The following CUL7 variants were observed in gnomAD, a reference collection of about 807,000 sequenced individuals.
CUL7 encodes cullin 7.
In CUL7, 96 loss-of-function variants were observed where a neutral mutation model predicts 177.7. The observed-to-expected ratio is 0.54, with a 90% CI of 0.46 to 0.64. The LOEUF (loss-of-function observed/expected upper bound fraction) is 0.64. CUL7 is among the 30% of genes least tolerant of loss of function. CUL7 has a pLI of 0.00. For missense variants in CUL7, 1,893 were observed against 2,187.9 expected, an observed-to-expected ratio of 0.87 and a Z score of 2.69; for synonymous variants, 824 against 890.2, an observed-to-expected ratio of 0.93 and a Z score of 1.32.
In CUL7 at chr6:43,051,056, C is replaced by A; in HGVS notation, c.1145G>T (p.Arg382Leu). ...CTCATAATCATCCAGCATCCGCACTCGCATCCCCGGCTGCAGTGTGTCCCG... is the reference window on the plus strand; with the variant it reads ...CTCATAATCATCCAGCATCCGCACTAGCATCCCCGGCTGCAGTGTGTCCCG... ...YVRDTLQPGMRVRMLDDYEEI... is the reference protein window; with the variant it reads ...YVRDTLQPGMLVRMLDDYEEI... The change falls in exon 4 of 26, where the codon CGA becomes CTA. Residue 382 changes from arginine to leucine, a missense_variant. Around this residue, in one of 5 missense-constraint regions of CUL7, gnomAD observed 653 missense variants for 725.2 expected, o/e 0.90. Coordinates refer to ENST00000265348, the MANE Select transcript of CUL7 (RefSeq NM_014780.5). This position sits in a 1 kb window ranked among gnomAD's most constrained non-coding sequence, Gnocchi z 5.0. The A allele has an allele frequency of 6.2e-7, 1 of 1,614,220 alleles. No individual in the cohort carries two copies. Among genetic ancestry groups the A allele is most frequent in the Non-Finnish European group, 8.5e-7 (1 of 1,180,044 alleles).
intron 6 of CUL7, 104 bp downstream of exon 6, chr6:43,049,859 C>T (rs1764253104): frequency 1.4e-6 from 2 of 1,382,174 alleles, no homozygotes; most frequent in Non-Finnish European, 2.0e-6. Flanking sequence ...GCCCCTTCCA[C>T]TCTCTGACCT....
chr6:43,040,657 C>T lies in CUL7; in HGVS notation c.3896G>A (p.Arg1299His), dbSNP rs777069622. Residue 1299 changes from arginine (R) to histidine (H), a missense_variant, in exon 21 of 26, where the codon CGC becomes CAC. This residue lies in a region of CUL7 where 973 missense variants were observed against 1,140.9 expected (regional missense o/e 0.85). Coordinates refer to ENST00000265348, the MANE Select transcript of CUL7 (RefSeq NM_014780.5). This position sits in a 1 kb window ranked among gnomAD's most constrained non-coding sequence, Gnocchi z 4.2. ...GCTCTGCAACATCTGCTGGGGGAGG[C>T]GGTTGGGGAAGCAGGGACCGATCTG... is the stretch of plus-strand genomic sequence containing the variant. Reference protein sequence around the residue: ...LEQIGPCFPNRLPQQMLQSLS... With the variant: ...LEQIGPCFPNHLPQQMLQSLS... 1.9e-6 allele frequency: 3 copies of T among 1,614,178 alleles called. No homozygotes were observed. The highest frequency in any genetic ancestry group is 2.2e-5 in the South Asian group (2 of 91,082).
At position 43,053,488 on chromosome 6, in the gene CUL7, G is replaced by GA; in HGVS notation, c.-9+133dup. ...GCCAGGGGCGCGCGGTAAGGTGGGG[G>GA]AGAGGGGATTAGGCCCCATAAGCTA... On this transcript the variant is annotated intron_variant, in intron 1 of 25. Transcript: ENST00000265348. The surrounding 1 kb of genome is among the most constrained non-coding windows in gnomAD (Gnocchi z 4.1). 7.1e-6 allele frequency: 4 copies of GA among 561,482 alleles called. No individual in the cohort carries two copies. In the South Asian group the frequency reaches 1.7e-4, roughly 24 times the overall value. 34.8% of individuals were successfully genotyped at this position (561,482 alleles called of 1,614,324 possible).
Position 43,053,385 on chromosome 6 carries a change from G to C in CUL7, c.-9+237C>G, listed in dbSNP as rs1764610785. Among the ~76,000 whole-genome samples, 1 of 152,284 alleles carries C rather than the reference G, an allele frequency of 6.6e-6. No individual in the cohort carries two copies. The highest frequency in any genetic ancestry group is 1.5e-5 in the Non-Finnish European group (1 of 68,018). ...GCAACTGGAACAAGAGGGCTGGTGA[G>C]GGCGCCGCGAGACCCAGGGCAGGGT... is the stretch of plus-strand genomic sequence containing the variant. On this transcript the variant is annotated intron_variant, in intron 1 of 25. Coordinates refer to ENST00000265348, the MANE Select transcript of CUL7 (RefSeq NM_014780.5). This position sits in a 1 kb window ranked among gnomAD's most constrained non-coding sequence, Gnocchi z 4.1.
In CUL7 at chr6:43,051,228, G is replaced by A. The variant is rs1206663294; in HGVS notation, c.973C>T (p.Arg325Trp). Residue 325 changes from arginine to tryptophan, a missense_variant, in exon 4 of 26, where the codon CGG (arginine) becomes TGG (tryptophan). Physicochemically the swap from Arg to Trp is moderately radical, Grantham distance 101 (BLOSUM62 -3). This residue lies in a region of CUL7 where 653 missense variants were observed against 725.2 expected (regional missense o/e 0.90). Transcript: ENST00000265348. The surrounding 1 kb of genome is among the most constrained non-coding windows in gnomAD (Gnocchi z 5.0). ...GGCTGGAAGATGGAACCGGGGGACC[G>A]TGCTGAGCTCCTTGGTCTGTCTGAG... ...QASDRPRSSA[R>W]SPGSIFQPQL... 7 of 1,614,104 alleles carry A rather than the reference G, an allele frequency of 4.3e-6. No homozygotes were observed. Among genetic ancestry groups the A allele is most frequent in the Middle Eastern group, 1.6e-4 (1 of 6,062 alleles).
rs745527811 is a variant in CUL7 at position 43,048,371 on chromosome 6, G to A, written c.2024C>T (p.Thr675Ile). Residue 675 changes from threonine to isoleucine, a missense_variant, in exon 8 of 26, where the codon ACT (threonine) becomes ATT (isoleucine). This residue lies in a region of CUL7 where 973 missense variants were observed against 1,140.9 expected (regional missense o/e 0.85). Transcript: ENST00000265348. ...GTGCAGGGTCCTGTTAGTCTCCGGA[G>A]TGTCCAGGCTCTGCATCAGTGCCAG... ...PFLALMQSLD[T>I]PETNRTLHLT... 1.2e-6 allele frequency: 2 copies of A among 1,613,388 alleles called. No homozygotes were observed. The highest frequency in any genetic ancestry group is 4.5e-5 in the East Asian group (2 of 44,878).
intron 7 of CUL7, 104 bp from the exon 8 acceptor site, chr6:43,048,673 A>C (rs1416276931): frequency 1.2e-6 from 1 of 861,398 alleles, no homozygotes; most frequent in Non-Finnish European, 1.8e-6. Flanking sequence ...CTCCTAAAAA[A>C]TGTTTTAAAT....
At chr6:43,039,047 G>A (rs907135687) in intron 22 of CUL7, 60 bp from the exon 23 acceptor site, 2 of 1,158,236 alleles carry the variant, frequency 1.7e-6, no homozygotes, top group Non-Finnish European at 1.3e-6. Context: ...TGGTGTTGGA[G>A]GGAGGGTGCA....
chr6:43,050,950 C>G lies in CUL7; in HGVS notation c.1233+18G>C, dbSNP rs1302545399. 1 of 1,613,620 alleles carries G rather than the reference C, an allele frequency of 6.2e-7. No homozygotes were observed. Among genetic ancestry groups the G allele is most frequent in the South Asian group, 1.1e-5 (1 of 91,086 alleles). ...CAAATAGACCCCCAACAGTATCCCA[C>G]CACCATGTGCCACTCACCTGCACAG... On this transcript the variant is annotated intron_variant, in intron 4 of 25. Coordinates refer to ENST00000265348, the MANE Select transcript of CUL7 (RefSeq NM_014780.5). This position sits in a 1 kb window ranked among gnomAD's most constrained non-coding sequence, Gnocchi z 4.1.
At position 43,045,833 on chromosome 6, in the gene CUL7, G is replaced by A. The variant is rs539816030; in HGVS notation, c.2767-151C>T. The A allele has an allele frequency of 7.4e-6, 8 of 1,078,238 alleles. No homozygotes were observed. Among genetic ancestry groups the A allele is most frequent in the Non-Finnish European group, 1.1e-5 (8 of 713,746 alleles). The allele number at this position is 1,078,238 out of a possible 1,614,324, so 66.8% of individuals were successfully genotyped here. A position where few individuals can be genotyped will look rare whatever the true frequency, so the allele number is the denominator to read the frequency against. On this transcript the variant is annotated intron_variant, in intron 13 of 25. Transcript: ENST00000265348. The surrounding 1 kb of genome is among the most constrained non-coding windows in gnomAD (Gnocchi z 4.8). ...TCCTCATGCCACCCTCATTGTTCAG[G>A]GCCTGGTGGCACAAGCACAGGGATA...
At position 43,052,717 on chromosome 6, in the gene CUL7, C is replaced by T. The variant is rs1209768597; in HGVS notation, c.72G>A (p.Glu24=). ...CATGGCCCACGCGCTGGCGGATCAG[C>T]TCATCAGGATAGGCATGTAAGCCGG... ...LGPGLHAYPD[E]LIRQRVGHDG... is the part of the protein sequence containing the mutation. The change falls in exon 2 of 26, where the codon GAG becomes GAA. Residue 24 remains glutamate (E), a synonymous_variant. Coordinates refer to ENST00000265348, the MANE Select transcript of CUL7 (RefSeq NM_014780.5). This position sits in a 1 kb window ranked among gnomAD's most constrained non-coding sequence, Gnocchi z 4.5. 1 of 1,612,992 alleles carries T rather than the reference C, an allele frequency of 6.2e-7. No homozygotes were observed. Among genetic ancestry groups the T allele is most frequent in the Admixed American group, 1.7e-5 (1 of 60,012 alleles).
chr6:43,051,998 A>G lies in CUL7; in HGVS notation c.580+211T>C, dbSNP rs897802553. On this transcript the variant is annotated intron_variant, in intron 2 of 25. Coordinates refer to ENST00000265348, the MANE Select transcript of CUL7 (RefSeq NM_014780.5). The surrounding 1 kb of genome is among the most constrained non-coding windows in gnomAD (Gnocchi z 5.0). ...TTTGCATAAAAAGCAACTAATTAATATGAGGTTCTTGAAGATAGTCTTTCC... is the reference window on the plus strand; with the variant it reads ...TTTGCATAAAAAGCAACTAATTAATGTGAGGTTCTTGAAGATAGTCTTTCC... 37 of 974,566 alleles carry G rather than the reference A, an allele frequency of 3.8e-5. No homozygotes were observed. The highest frequency in any genetic ancestry group is 2.5e-4 in the Middle Eastern group (1 of 3,978). The allele number at this position is 974,566 out of a possible 1,614,324, so 60.4% of individuals were successfully genotyped here. A position where few individuals can be genotyped will look rare whatever the true frequency, so the allele number is the denominator to read the frequency against.
At chr6:43,039,757 T>C (rs991467863) in intron 22 of CUL7, among the ~76,000 whole-genome samples, 3 of 126,884 alleles carry the variant, frequency 2.4e-5, no homozygotes. Context: ...TTTTTTTTTT[T>C]TTGAGATGGA....
rs749203485 is a variant in CUL7, at chr6:43,046,750, G to T, written c.2397+130C>A. 3.6e-4 allele frequency: 485 copies of T among 1,329,778 alleles called. 2 individuals carry two copies. Among genetic ancestry groups the T allele is most frequent in the Non-Finnish European group, 3.8e-4 (359 of 934,528 alleles). 82.4% of individuals were successfully genotyped at this position (1,329,778 alleles called of 1,614,324 possible). ...GGCCCAGATGGGGCAGAGGGGAAGG[G>T]GAACAAATGCCCCAGGGTCACTAGA... is the stretch of plus-strand genomic sequence containing the variant. On this transcript the variant is annotated intron_variant, in intron 10 of 25. Transcript: ENST00000265348.
At chr6:43,042,738 A>G in intron 19 of CUL7, 64 bp downstream of exon 19, 1 of 1,024,760 alleles carries the variant, frequency 9.8e-7, no homozygotes, top group Non-Finnish European at 1.5e-6. Flanking sequence ...GGTCATTTGG[A>G]GGAGGTGAGG....
rs753160511 is a variant in CUL7 at position 43,038,615 on chromosome 6, G to C, written c.4518C>G (p.Thr1506=). The C allele has an allele frequency of 1.9e-6, 3 of 1,613,960 alleles. No homozygotes were observed. Among genetic ancestry groups the C allele is most frequent in the Non-Finnish European group, 2.5e-6 (3 of 1,179,952 alleles). Residue 1506 remains threonine (T), a synonymous_variant, in exon 24 of 26, where the codon ACC becomes ACG. Coordinates refer to ENST00000265348, the MANE Select transcript of CUL7 (RefSeq NM_014780.5). The part of the protein sequence containing the change: ...DMLNQAIGPL[T]SSRGPLDLHE... The stretch of plus-strand genomic sequence containing the variant: ...GAAGGTCCAGGGGGCCTCTTGAAGA[G>C]GTGAGGGGCCCAATCGCCTGATTGA...
At position 43,045,354 on chromosome 6, in the gene CUL7, G is replaced by T. The variant is rs1010374844; in HGVS notation, c.2911C>A (p.Pro971Thr). The stretch of plus-strand genomic sequence containing the variant: ...TCCCGGAACACTGGCCAGAACGTGG[G>T]CTTGGGGCCTAGGATCTCTAACCCC... ...IRGLEILGPK[P>T]TFWPVFREQL... The change falls in exon 15 of 26, where the codon CCC (proline) becomes ACC (threonine). Residue 971 changes from proline (P) to threonine (T), a missense_variant. Around this residue, in one of 5 missense-constraint regions of CUL7, gnomAD observed 973 missense variants for 1,140.9 expected, o/e 0.85. Transcript: ENST00000265348. The surrounding 1 kb of genome is among the most constrained non-coding windows in gnomAD (Gnocchi z 4.8). 4 of 1,614,246 alleles carry T rather than the reference G, an allele frequency of 2.5e-6. No homozygotes were observed. Among genetic ancestry groups the T allele is most frequent in the Non-Finnish European group, 3.4e-6 (4 of 1,180,044 alleles).
chr6:43,037,830 A>G lies in CUL7; in HGVS notation c.4955T>C (p.Val1652Ala), dbSNP rs369627224. 3.2e-5 allele frequency: 52 copies of G among 1,612,228 alleles called. No homozygotes were observed. The African/African-American group carries it at 6.7e-4, about 21-fold the overall frequency. ...QVLSYAVPVT[V>A]MEPHTESLNP... ...CAGGGACTCAGTGTGAGGCTCCATG[A>G]CAGTCACAGGGACTGCATAGGACAG... Residue 1652 changes from valine (V) to alanine (A), a missense_variant, in exon 26 of 26, where the codon GTC becomes GCC. By Grantham distance (64) the Val-to-Ala change is moderately conservative. This residue lies in a region of CUL7 where 248 missense variants were observed against 262.5 expected (regional missense o/e 0.94). Coordinates refer to ENST00000265348, the MANE Select transcript of CUL7 (RefSeq NM_014780.5).
Position 43,039,021 on chromosome 6 carries a change from G to C in CUL7, c.4295-34C>G, listed in dbSNP as rs780739890. 7.4e-6 allele frequency: 11 copies of C among 1,483,226 alleles called. No individual in the cohort carries two copies. The South Asian group carries it at 1.1e-4, about 15-fold the overall frequency. 91.9% of individuals were successfully genotyped at this position (1,483,226 alleles called of 1,614,324 possible). A position where few individuals can be genotyped will look rare whatever the true frequency, so the allele number is the denominator to read the frequency against. On this transcript the variant is annotated intron_variant, in intron 22 of 25. Transcript: ENST00000265348. ...GGAAGGGGGAGGGAGACAAAGAGCA[G>C]GTGAAAGGAGGGAGTTGGTGTTGGA...
Sources: gnomAD v4.1 joint callset for allele counts (sites outside exome capture counted in the v4.1 genomes callset) on GRCh38, gnomAD v4.1.1 for gene constraint, gnomAD v4.1.1 regional missense constraint, Gnocchi (gnomAD v3.1) non-coding constraint, MANE v1.5 for transcripts, NCBI Gene and HGNC (gene_info 2026-07-23, HGNC 2026-07-21) for gene names.